The following SHISA9 variants were observed in gnomAD, a reference collection of about 807,000 sequenced individuals.
The protein encoded by SHISA9 is shisa family member 9.
Under a neutral mutation model 38.0 loss-of-function variants are expected in SHISA9, and 13 were observed. The observed-to-expected ratio is 0.34, with a 90% CI of 0.22 to 0.54. SHISA9 has a LOEUF of 0.54. SHISA9 is among the 20% of genes least tolerant of loss of function. The pLI is 0.91. For missense variants in SHISA9, 538 were observed against 575.8 expected, an observed-to-expected ratio of 0.93 and a Z score of 0.67; for synonymous variants, 275 against 242.0, an observed-to-expected ratio of 1.14 and a Z score of -1.27.
At chr16:13,244,465 A>G (rs563510248), downstream of SHISA9, among the ~76,000 whole-genome samples, 41 of 152,228 alleles carry the variant, frequency 2.7e-4, 1 homozygote, top group East Asian at 1.9e-3. Flanking sequence ...TAAATAGTAA[A>G]TATGTTTTCT....
At chr16:13,200,312 A>G (rs2050992220) in intron 2 of SHISA9, among the ~76,000 whole-genome samples, 1 of 152,018 alleles carries the variant, frequency 6.6e-6, no homozygotes, top group Admixed American at 6.6e-5. Flanking sequence ...ATGAGCTGCC[A>G]ATCACGGTAA....
At chr16:13,302,711 T>C in the SHISA9 span, among the ~76,000 whole-genome samples, 1 of 152,204 alleles carries the variant, frequency 6.6e-6, no homozygotes, top group African/African-American at 2.4e-5. Context: ...TCTTCATTCA[T>C]GCGAGTACGA....
At chr16:13,230,285 C>G (rs1294439556) in intron 4 of SHISA9, among the ~76,000 whole-genome samples, 2 of 152,130 alleles carry the variant, frequency 1.3e-5, no homozygotes, top group East Asian at 1.9e-4. Flanking sequence ...AATGAACAAA[C>G]AGCTCAAAGA....
chr16:13,026,130 A>G (rs1000376640), intron 2 of SHISA9, among the ~76,000 whole-genome samples: 9 of 152,236 alleles, frequency 5.9e-5, no homozygotes, highest in Admixed American at 4.6e-4. Flanking sequence ...TGTATAATAC[A>G]GTATTGTTAA....
the SHISA9 span, among the ~76,000 whole-genome samples, chr16:13,442,855 G>A: frequency 0.25 from 37,855 of 152,066 alleles, 6,086 homozygotes; most frequent in East Asian, 0.51. Flanking sequence ...GCATGGGAGT[G>A]TATACTAAGT....
chr16:13,334,158 T>C, the SHISA9 span, among the ~76,000 whole-genome samples: 4 of 152,330 alleles, frequency 2.6e-5, no homozygotes, highest in East Asian at 3.9e-4. Context: ...TCTCTCCTCA[T>C]TGGGGGCAGA....
chr16:13,528,314 T>C, the SHISA9 span, among the ~76,000 whole-genome samples: 1 of 151,944 alleles, frequency 6.6e-6, no homozygotes, highest in Non-Finnish European at 1.5e-5. Flanking sequence ...TCTGACTCCC[T>C]GCAACCCAAA....
chr16:13,437,143 C>T, the SHISA9 span, among the ~76,000 whole-genome samples: 1 of 152,080 alleles, frequency 6.6e-6, no homozygotes, highest in African/African-American at 2.4e-5. Context: ...CACAACCAAA[C>T]CACATCGTTC....
intron 2 of SHISA9, among the ~76,000 whole-genome samples, chr16:13,158,840 A>C (rs1206490994): frequency 2.0e-5 from 3 of 150,414 alleles, no homozygotes. Flanking sequence ...GCGGATCACG[A>C]GGTCAGGAGG....
At chr16:13,257,569 C>T in the SHISA9 span, among the ~76,000 whole-genome samples, 8 of 152,110 alleles carry the variant, frequency 5.3e-5, no homozygotes, top group Non-Finnish European at 1.0e-4. Flanking sequence ...TTTTGATCAC[C>T]CCCTTTTGTA....
At chr16:13,301,779 G>A in the SHISA9 span, among the ~76,000 whole-genome samples, 12 of 152,166 alleles carry the variant, frequency 7.9e-5, no homozygotes, top group African/African-American at 2.7e-4. Flanking sequence ...GAAGCAAGGA[G>A]CATGGGCTTT....
intron 2 of SHISA9, among the ~76,000 whole-genome samples, chr16:13,161,802 GT>G (rs1020425221): frequency 2.0e-5 from 3 of 151,022 alleles, no homozygotes; most frequent in South Asian, 2.1e-4. Flanking sequence ...AAAAACCCTC[GT>G]TTTTTTTTCC....
chr16:13,139,212 C>A (rs980300239), intron 2 of SHISA9, among the ~76,000 whole-genome samples: 3 of 151,780 alleles, frequency 2.0e-5, no homozygotes, highest in Admixed American at 6.6e-5. Context: ...TCCCTCCCTC[C>A]CTTCCCTCAC....
At chr16:13,109,393 A>G (rs770603301) in intron 2 of SHISA9, among the ~76,000 whole-genome samples, 9 of 151,762 alleles carry the variant, frequency 5.9e-5, no homozygotes, top group Non-Finnish European at 1.3e-4. Context: ...ATTTCTCCTT[A>G]CTCACCACCT....
chr16:12,997,733 A>T (rs897728136), intron 2 of SHISA9, among the ~76,000 whole-genome samples: 3 of 152,012 alleles, frequency 2.0e-5, no homozygotes, highest in Admixed American at 6.6e-5. Context: ...GCCCTTCATC[A>T]TCTGGACTCT....
At chr16:12,992,502 A>T (rs1343479805) in intron 2 of SHISA9, among the ~76,000 whole-genome samples, 1 of 152,118 alleles carries the variant, frequency 6.6e-6, no homozygotes, top group East Asian at 1.9e-4. Context: ...ACTGGACTCC[A>T]GCCTGGGCGA....
chr16:13,528,847 A>G, the SHISA9 span, among the ~76,000 whole-genome samples: 2 of 152,186 alleles, frequency 1.3e-5, no homozygotes, highest in African/African-American at 2.4e-5. Context: ...TCCTTTCCAT[A>G]CCCCATAAAG....
chr16:13,466,186 A>C, the SHISA9 span, among the ~76,000 whole-genome samples: 17 of 152,206 alleles, frequency 1.1e-4, no homozygotes, highest in Admixed American at 1.0e-3. Flanking sequence ...AAACACTACA[A>C]TGATCCCATT....
chr16:13,409,467 T>C, the SHISA9 span, among the ~76,000 whole-genome samples: 1 of 152,330 alleles, frequency 6.6e-6, no homozygotes, highest in South Asian at 2.1e-4. Context: ...ACTTGCCCAC[T>C]TGGGCTCCTG....
Sources: gnomAD v4.1 joint callset for allele counts (sites outside exome capture counted in the v4.1 genomes callset) on GRCh38, gnomAD v4.1.1 for gene constraint, MANE v1.5 for transcripts, NCBI Gene and HGNC (gene_info 2026-07-23, HGNC 2026-07-21) for gene names.